Variants in KDM4C observed in about 807,000 individuals in gnomAD.
The protein encoded by KDM4C is lysine-specific demethylase 4C.
KDM4C carries 81 observed loss-of-function variants against 129.3 expected under a neutral mutation model. The ratio of observed to expected loss-of-function variants is 0.63; its 90% CI spans 0.52 to 0.75. The LOEUF is 0.75. Ranked by LOEUF, KDM4C falls within the 30% of genes least tolerant of loss-of-function variation. The pLI is 0.00. For missense variants in KDM4C, 1,457 were observed against 1,304.0 expected (o/e 1.12, Z -1.81); for synonymous variants, 573 against 456.1 (o/e 1.26, Z -3.26).
At chr9:6,955,487 C>T (rs1015493547) in intron 8 of KDM4C, among the ~76,000 whole-genome samples, 4 of 152,118 alleles carry the variant, frequency 2.6e-5, no homozygotes, top group African/African-American at 9.7e-5. Context: ...GAGAAGGATG[C>T]CTTTGATCTG....
intron 15 of KDM4C, among the ~76,000 whole-genome samples, chr9:7,019,791 T>TATTTTTATA (rs1563993611): frequency 1.9e-4 from 11 of 58,458 alleles, no homozygotes; most frequent in Non-Finnish European, 2.5e-4. Context: ...TAAAAATATT[T>TATTTTTATA]TAGAAGCAAA....
chr9:7,151,834 A>G (rs1444050025), intron 19 of KDM4C, among the ~76,000 whole-genome samples: 1 of 152,242 alleles, frequency 6.6e-6, no homozygotes, highest in Non-Finnish European at 1.5e-5. Context: ...ACGCTTAGAT[A>G]CAGATACCTC....
At chr9:7,016,677 C>T (rs1019603146) in intron 15 of KDM4C, among the ~76,000 whole-genome samples, 8 of 151,916 alleles carry the variant, frequency 5.3e-5, no homozygotes, top group South Asian at 2.1e-4. Flanking sequence ...CCACCTGCCT[C>T]GGCCTCCCAA....
chr9:6,751,051 T>A (rs1367806543), intron 1 of KDM4C, among the ~76,000 whole-genome samples: 1 of 152,148 alleles, frequency 6.6e-6, no homozygotes, highest in Non-Finnish European at 1.5e-5. Context: ...CAGGACCGTA[T>A]CATAAGAGAG....
At chr9:6,979,802 C>T (rs923693094) in intron 8 of KDM4C, among the ~76,000 whole-genome samples, 1 of 152,096 alleles carries the variant, frequency 6.6e-6, no homozygotes, top group Non-Finnish European at 1.5e-5. Flanking sequence ...TAAATGGAGA[C>T]AAGGCTGAAT....
At chr9:7,091,687 A>G (rs1483953306) in intron 17 of KDM4C, among the ~76,000 whole-genome samples, 1 of 152,236 alleles carries the variant, frequency 6.6e-6, no homozygotes, top group Non-Finnish European at 1.5e-5. Context: ...AATAAATCTG[A>G]GAAACATAGA....
intron 8 of KDM4C, among the ~76,000 whole-genome samples, chr9:6,895,559 A>G (rs1210308480): frequency 6.6e-6 from 1 of 152,140 alleles, no homozygotes; most frequent in Non-Finnish European, 1.5e-5. Flanking sequence ...CAGGAGGGGA[A>G]GCATCTGCCT....
intron 2 of KDM4C, among the ~76,000 whole-genome samples, chr9:6,804,525 C>T (rs921063056): frequency 4.6e-5 from 7 of 151,808 alleles, no homozygotes; most frequent in African/African-American, 9.7e-5. Context: ...TTTGGGAGGC[C>T]GAGACGGGTG....
chr9:7,102,276 T>A (rs2133138842), intron 17 of KDM4C, among the ~76,000 whole-genome samples: 1 of 150,550 alleles, frequency 6.6e-6, no homozygotes, highest in Admixed American at 6.6e-5. Flanking sequence ...AAGGGCCTTT[T>A]ACAAACTTGG....
chr9:7,172,247 G>A (rs1287236213), intron 21 of KDM4C, among the ~76,000 whole-genome samples: 1 of 152,188 alleles, frequency 6.6e-6, no homozygotes, highest in African/African-American at 2.4e-5. Context: ...CTGACTGGGG[G>A]AGAAACTGTT....
chr9:6,937,993 T>C (rs1245707988), intron 8 of KDM4C, among the ~76,000 whole-genome samples: 1 of 152,190 alleles, frequency 6.6e-6, no homozygotes, highest in Non-Finnish European at 1.5e-5. Context: ...ATTACAGACA[T>C]GAGCCACCGT....
chr9:6,722,955 C>A (rs1222781419), intron 1 of KDM4C, among the ~76,000 whole-genome samples: 1 of 151,998 alleles, frequency 6.6e-6, no homozygotes, highest in Non-Finnish European at 1.5e-5. Flanking sequence ...TGCACTCTAG[C>A]CTGGGCAACA....
At chr9:7,139,164 A>G (rs1841502106) in intron 19 of KDM4C, among the ~76,000 whole-genome samples, 1 of 152,094 alleles carries the variant, frequency 6.6e-6, no homozygotes, top group Non-Finnish European at 1.5e-5. Flanking sequence ...AGTCCCAGGT[A>G]CTCAGGAGGC....
intron 5 of KDM4C, among the ~76,000 whole-genome samples, chr9:6,876,084 C>T (rs976508742): frequency 6.6e-6 from 1 of 152,154 alleles, no homozygotes; most frequent in Non-Finnish European, 1.5e-5. Context: ...ACTGTGCTTT[C>T]CTGGGTTCTT....
intron 17 of KDM4C, among the ~76,000 whole-genome samples, chr9:7,072,872 T>C (rs1299638210): frequency 6.6e-6 from 1 of 152,208 alleles, no homozygotes; most frequent in Non-Finnish European, 1.5e-5. Context: ...TGTGATCTTT[T>C]GATACATGTA....
At chr9:6,970,492 T>A (rs1188436331) in intron 8 of KDM4C, among the ~76,000 whole-genome samples, 1 of 152,196 alleles carries the variant, frequency 6.6e-6, no homozygotes, top group Non-Finnish European at 1.5e-5. Flanking sequence ...AATTTAATAT[T>A]TGATTAAAGT....
chr9:6,972,240 G>GGTGT (rs143716730), intron 8 of KDM4C, among the ~76,000 whole-genome samples: 1 of 150,080 alleles, frequency 6.7e-6, no homozygotes, highest in Non-Finnish European at 1.5e-5. Context: ...TGAAAATAGG[G>GGTGT]GTGTGTGTGT....
intron 15 of KDM4C, among the ~76,000 whole-genome samples, chr9:7,029,848 T>TCATGAG (rs1826432695): frequency 6.6e-6 from 1 of 152,188 alleles, no homozygotes; most frequent in Non-Finnish European, 1.5e-5. Flanking sequence ...CTTTGACCAA[T>TCATGAG]CATGAGTTGC....
chr9:6,984,815 G>GAAT (rs1554680004), intron 10 of KDM4C, among the ~76,000 whole-genome samples: 1 of 151,718 alleles, frequency 6.6e-6, no homozygotes, highest in Non-Finnish European at 1.5e-5. Flanking sequence ...AAGGTTTTAA[G>GAAT]AACAACAATA....
Sources: allele counts gnomAD v4.1 joint callset (sites outside exome capture counted in the v4.1 genomes callset), GRCh38; gene constraint gnomAD v4.1.1; transcripts MANE v1.5; gene names NCBI Gene and HGNC (gene_info 2026-07-23, HGNC 2026-07-21).